Variants in TINAG observed in about 807,000 individuals in gnomAD.
TINAG encodes tubulointerstitial nephritis antigen.
Under a neutral mutation model 72.7 loss-of-function variants are expected in TINAG, and 83 were observed. That is an observed-to-expected ratio of 1.14 (90% CI 0.96 to 1.37). The LOEUF (loss-of-function observed/expected upper bound fraction) is 1.37. Among genes scored for constraint, TINAG ranks in the 40% most tolerant of loss-of-function variants. The probability of loss-of-function intolerance (pLI) is 0.00; values close to 1 mark genes in which losing one functional copy is unlikely to be tolerated. For synonymous variants in TINAG, 234 were observed against 189.9 expected (o/e 1.23, Z -1.91); for missense variants, 685 against 576.6 (o/e 1.19, Z -1.93).
chr6:54,366,109 A>G (rs1326122267), intron 9 of TINAG, among the ~76,000 whole-genome samples: 1 of 151,652 alleles, frequency 6.6e-6, no homozygotes, highest in Non-Finnish European at 1.5e-5. Context: ...CAACCCTCAT[A>G]CTTTTAAAAT....
intron 4 of TINAG, among the ~76,000 whole-genome samples, chr6:54,333,761 T>C (rs1784799384): frequency 2.0e-5 from 3 of 152,210 alleles, no homozygotes; most frequent in African/African-American, 7.2e-5. Flanking sequence ...CAAGTCATTG[T>C]TTCAATTTTT....
At chr6:54,315,342 T>C (rs992198023) in intron 1 of TINAG, among the ~76,000 whole-genome samples, 2 of 152,080 alleles carry the variant, frequency 1.3e-5, no homozygotes, top group East Asian at 3.9e-4. Flanking sequence ...TGTATTTTCT[T>C]TGCCATATCT....
At chr6:54,346,538 AATTACATG>A (rs1785126744) in intron 5 of TINAG, among the ~76,000 whole-genome samples, 1 of 151,424 alleles carries the variant, frequency 6.6e-6, no homozygotes, top group Non-Finnish European at 1.5e-5. Context: ...GTATATATAT[AATTACATG>A]TATAGCTATA....
chr6:54,326,448 T>C (rs932450797), intron 3 of TINAG, among the ~76,000 whole-genome samples: 1 of 152,108 alleles, frequency 6.6e-6, no homozygotes. Flanking sequence ...CTATTTAATG[T>C]ATAAGTGCAT....
In TINAG at chr6:54,389,767, TTTTG is replaced by T. The variant is rs766316117; in HGVS notation, c.1297-12_1297-9del. 965 of 1,563,054 alleles carry T rather than the reference TTTTG, an allele frequency of 6.2e-4. 1 individual carries two copies. The highest frequency in any genetic ancestry group is 7.7e-4 in the Non-Finnish European group (890 of 1,161,422). On this transcript the variant is annotated intron_variant, in intron 10 of 10. Coordinates refer to ENST00000259782, the MANE Select transcript of TINAG (RefSeq NM_014464.4). Reference sequence around the variant, plus strand: ...AATACCAAAGTATGTTTCTCAACTTTTTTGTTTGTTTGTTTTTCTGCAGATTGCT... The same window carrying T: ...AATACCAAAGTATGTTTCTCAACTTTTTTGTTTGTTTTTCTGCAGATTGCT...
At chr6:54,376,764 A>G (rs1474203864) in intron 9 of TINAG, among the ~76,000 whole-genome samples, 1 of 152,156 alleles carries the variant, frequency 6.6e-6, no homozygotes, top group Non-Finnish European at 1.5e-5. Flanking sequence ...ACTCTGCAGG[A>G]ACTTTATGGT....
chr6:54,318,086 G>T (rs1396228907), intron 1 of TINAG, among the ~76,000 whole-genome samples: 1 of 151,988 alleles, frequency 6.6e-6, no homozygotes, highest in Non-Finnish European at 1.5e-5. Flanking sequence ...ATGTCTGTCA[G>T]ATGCAGTGTT....
At chr6:54,353,696 C>CT (rs1785321863) in intron 8 of TINAG, among the ~76,000 whole-genome samples, 1 of 151,680 alleles carries the variant, frequency 6.6e-6, no homozygotes, top group Non-Finnish European at 1.5e-5. Flanking sequence ...GGAGTATAAG[C>CT]TTTTTTAAAG....
At chr6:54,363,912 G>A (rs1763321647) in intron 9 of TINAG, among the ~76,000 whole-genome samples, 2 of 151,596 alleles carry the variant, frequency 1.3e-5, no homozygotes, top group Admixed American at 1.3e-4. Flanking sequence ...GTCTTAGAGA[G>A]GGGACCAAGT....
chr6:54,308,032 G>A, upstream of TINAG: 6 of 1,549,352 alleles, frequency 3.9e-6, no homozygotes, highest in Non-Finnish European at 4.4e-6. Flanking sequence ...TAGAGCAACT[G>A]TTATTGATAT....
intron 9 of TINAG, among the ~76,000 whole-genome samples, chr6:54,369,445 A>G (rs929328448): frequency 6.6e-6 from 1 of 151,932 alleles, no homozygotes; most frequent in African/African-American, 2.4e-5. Context: ...CATATATATG[A>G]TAATCTCTAT....
intron 10 of TINAG, among the ~76,000 whole-genome samples, chr6:54,386,831 T>C (rs965365417): frequency 1.3e-5 from 2 of 152,216 alleles, no homozygotes; most frequent in Middle Eastern, 3.4e-3. Context: ...GAAGAAAACA[T>C]AGGCAAATAT....
chr6:54,345,103 T>C (rs1785089695), intron 5 of TINAG, among the ~76,000 whole-genome samples: 1 of 152,130 alleles, frequency 6.6e-6, no homozygotes, highest in Non-Finnish European at 1.5e-5. Context: ...ATGTTTCACA[T>C]ACATTTGAAG....
chr6:54,326,915 CAGTA>C lies in TINAG; in HGVS notation c.624+3_624+6del. 6.2e-7 allele frequency: 1 copy of C among 1,613,052 alleles called. No individual in the cohort carries two copies. The highest frequency in any genetic ancestry group is 8.5e-7 in the Non-Finnish European group (1 of 1,179,764). On this transcript the variant is annotated splice_donor_variant and splice_donor_region_variant and coding_sequence_variant and intron_variant, in exon 4 of 11. Transcript: ENST00000259782. LOFTEE classifies it high-confidence loss of function. ...ATGCTCCTGAGCATGAATGAAATGA[CAGTA>C]AGTGTTCCTTCTGATTCACGTATGT... is the stretch of plus-strand genomic sequence containing the variant.
chr6:54,376,535 A>C (rs1362878867), intron 9 of TINAG, among the ~76,000 whole-genome samples: 3 of 152,158 alleles, frequency 2.0e-5, no homozygotes, highest in Non-Finnish European at 4.4e-5. Flanking sequence ...ACCAAAACCA[A>C]AGAAAAGAAA....
chr6:54,356,112 C>T (rs1314640802), intron 9 of TINAG, among the ~76,000 whole-genome samples: 2 of 151,834 alleles, frequency 1.3e-5, no homozygotes, highest in African/African-American at 4.8e-5. Flanking sequence ...TGGTAGCTTC[C>T]TATTACCCTA....
rs780197348 is a variant in TINAG, at chr6:54,349,836, C to A, written c.1020C>A (p.Asn340Lys). 7.5e-6 allele frequency: 12 copies of A among 1,610,078 alleles called. No homozygotes were observed. The highest frequency in any genetic ancestry group is 1.1e-5 in the South Asian group (1 of 90,622). ...GGCATGCCACGAAGCCATGTCCCAA[C>A]AACGTAGAAAAATCTAACAGGATCT... ...GKRHATKPCP[N>K]NVEKSNRIYQ... is the part of the protein sequence containing the mutation. The change falls in exon 7 of 11, where the codon AAC becomes AAA. Residue 340 changes from asparagine to lysine, a missense_variant. Coordinates refer to ENST00000259782, the MANE Select transcript of TINAG (RefSeq NM_014464.4).
Position 54,316,995 on chromosome 6 carries a change from G to GT in TINAG, c.356-3577dup, listed in dbSNP as rs552069803. On this transcript the variant is annotated intron_variant, in intron 1 of 10. Coordinates refer to ENST00000259782, the MANE Select transcript of TINAG (RefSeq NM_014464.4). The stretch of plus-strand genomic sequence containing the variant: ...ATTAGTTTTGGCTTTGTTTTGTTTT[G>GT]TTTTTTTGGTCAAGATGCTGTGTGT... Among the ~76,000 whole-genome samples the GT allele has an allele frequency of 9.2e-5, 14 of 152,032 alleles. No individual in the cohort carries two copies. In the South Asian group the frequency reaches 1.2e-3, roughly 14 times the overall value.
chr6:54,384,181 C>T (rs1764029319), intron 10 of TINAG, among the ~76,000 whole-genome samples: 1 of 152,022 alleles, frequency 6.6e-6, no homozygotes, highest in South Asian at 2.1e-4. Context: ...GGGAGGGGAA[C>T]ATCACACACT....
Sources: gnomAD v4.1 joint callset for allele counts (sites outside exome capture counted in the v4.1 genomes callset) on GRCh38, gnomAD v4.1.1 for gene constraint, MANE v1.5 for transcripts, NCBI Gene and HGNC (gene_info 2026-07-23, HGNC 2026-07-21) for gene names.